Variants in SCAF4 observed in about 807,000 individuals in gnomAD.
SCAF4 encodes SR-related CTD associated factor 4.
A neutral mutation model predicts 129.8 loss-of-function variants in SCAF4; 25 were observed. The ratio of observed to expected loss-of-function variants is 0.19; its 90% CI spans 0.14 to 0.27. The LOEUF is 0.27. Ranked by LOEUF, SCAF4 falls within the 10% of genes least tolerant of loss-of-function variation. The pLI is 1.00. For synonymous variants in SCAF4, 551 were observed against 497.7 expected, an observed-to-expected ratio of 1.11 and a Z score of -1.43; for missense variants, 1,246 against 1,457.1, an observed-to-expected ratio of 0.86 and a Z score of 2.36.
chr21:31,720,125 C>T (rs1447426605), intron 1 of SCAF4, among the ~76,000 whole-genome samples: 1 of 152,210 alleles, frequency 6.6e-6, no homozygotes, highest in African/African-American at 2.4e-5. Flanking sequence ...AACTTCTGGT[C>T]TCCCTCCCCT....
chr21:31,731,799 G>A lies in SCAF4; in HGVS notation c.-107C>T. ...CCGGGCCTGGTGGCCGGGGGGAGGCGACGAGCGGCGGAGTCCGAGGCCCGG... is the reference window on the plus strand; with the variant it reads ...CCGGGCCTGGTGGCCGGGGGGAGGCAACGAGCGGCGGAGTCCGAGGCCCGG... On this transcript the variant is annotated 5_prime_UTR_variant, in exon 1 of 20. Transcript: ENST00000286835. 4 of 1,302,486 alleles carry A rather than the reference G, an allele frequency of 3.1e-6. No homozygotes were observed. The highest frequency in any genetic ancestry group is 4.0e-6 in the Non-Finnish European group (4 of 992,674). 80.7% of individuals were successfully genotyped at this position (1,302,486 alleles called of 1,614,324 possible).
chr21:31,704,598 G>A (rs1356038115), intron 3 of SCAF4, among the ~76,000 whole-genome samples: 2 of 151,792 alleles, frequency 1.3e-5, no homozygotes, highest in Non-Finnish European at 2.9e-5. Context: ...AACAACCGCA[G>A]AGGAGTATTT....
chr21:31,698,703 A>G (rs8131549), intron 7 of SCAF4, among the ~76,000 whole-genome samples: 6,330 of 152,222 alleles, frequency 0.042, 456 homozygotes, highest in African/African-American at 0.14. Context: ...GGCATTAAGA[A>G]TAAGAACTGA....
intron 18 of SCAF4, 36 bp downstream of exon 18, chr21:31,685,362 G>C (rs760437290): frequency 2.0e-4 from 311 of 1,571,688 alleles, no homozygotes; most frequent in Non-Finnish European, 2.6e-4. Context: ...CCAGCTCCAA[G>C]AGGATAAGCA....
intron 1 of SCAF4, among the ~76,000 whole-genome samples, chr21:31,728,510 A>G (rs1236714148): frequency 1.3e-5 from 2 of 152,212 alleles, no homozygotes; most frequent in South Asian, 2.1e-4. Context: ...AGAGATCCCA[A>G]TTCAAATCCT....
At position 31,671,847 on chromosome 21, in the gene SCAF4, C is replaced by T. The variant is rs2049708274; in HGVS notation, c.2996G>A (p.Arg999Lys). 3.1e-6 allele frequency: 5 copies of T among 1,614,208 alleles called. No individual in the cohort carries two copies. The highest frequency in any genetic ancestry group is 1.3e-5 in the African/African-American group (1 of 75,048). ...QQFNSGRDQERFGRRSFGNRV... is the reference protein window; with the variant it reads ...QQFNSGRDQEKFGRRSFGNRV... ...ATTTCCAAAAGATCTTCTTCCAAAC[C>T]TTTCTTGGTCTCTACCTGAATTGAA... is the stretch of plus-strand genomic sequence containing the variant. Residue 999 changes from arginine (R) to lysine (K), a missense_variant, in exon 20 of 20, where the codon AGG (arginine) becomes AAG (lysine). This residue lies in a region of SCAF4 where 339 missense variants were observed against 325.0 expected (regional missense o/e 1.04). Transcript: ENST00000286835.
intron 19 of SCAF4, among the ~76,000 whole-genome samples, chr21:31,673,613 A>G (rs544201520): frequency 1.3e-5 from 2 of 152,346 alleles, no homozygotes; most frequent in East Asian, 1.9e-4. Context: ...ACTGTATCTC[A>G]GATAGAAATA....
chr21:31,688,385 T>C lies in SCAF4; in HGVS notation c.1965A>G (p.Val655=), dbSNP rs779252677. Residue 655 remains valine (V), a synonymous_variant, in exon 16 of 20, where the codon GTA becomes GTG. Transcript: ENST00000286835. ...GGAETSHTEP[V]SPIPKPLPVP... ...CAGGTAATGGTTTAGGTATGGGTGA[T>C]ACTGGTTCTGTGTGTGAGGTTTCAG... is the stretch of plus-strand genomic sequence containing the variant. The C allele has an allele frequency of 1.9e-6, 3 of 1,613,852 alleles. No homozygotes were observed. Among genetic ancestry groups the C allele is most frequent in the East Asian group, 2.2e-5 (1 of 44,870 alleles).
Position 31,694,962 on chromosome 21 carries a change from C to T in SCAF4, c.1087G>A (p.Gly363Arg), listed in dbSNP as rs1471878905. 1 of 1,613,900 alleles carries T rather than the reference C, an allele frequency of 6.2e-7. No individual in the cohort carries two copies. Among genetic ancestry groups the T allele is most frequent in the Non-Finnish European group, 8.5e-7 (1 of 1,179,874 alleles). ...AGAAGTCCAAATCCTGGCATTTGTC[C>T]ATTAGGAGGAAGTGGAACCTTTCAT... Reference protein sequence around the residue: ...MHHQVPLPPNGQMPGFGLLPT... With the variant: ...MHHQVPLPPNRQMPGFGLLPT... Residue 363 changes from glycine to arginine, a missense_variant, in exon 10 of 20, where the codon GGA becomes AGA. By Grantham distance (125) the Gly-to-Arg change is moderately radical. Transcript: ENST00000286835.
chr21:31,727,453 G>A (rs1379383068), intron 1 of SCAF4, among the ~76,000 whole-genome samples: 1 of 152,142 alleles, frequency 6.6e-6, no homozygotes, highest in Non-Finnish European at 1.5e-5. Context: ...AATTCTTCAG[G>A]ATTTAGGCAA....
chr21:31,705,756 G>C (rs2050643478), intron 2 of SCAF4, among the ~76,000 whole-genome samples: 1 of 152,096 alleles, frequency 6.6e-6, no homozygotes, highest in Non-Finnish European at 1.5e-5. Flanking sequence ...AAAACCAATG[G>C]ATTAGAGCTA....
chr21:31,674,454 C>T (rs2049798309), intron 19 of SCAF4, among the ~76,000 whole-genome samples: 3 of 152,164 alleles, frequency 2.0e-5, no homozygotes, highest in Admixed American at 6.5e-5. Flanking sequence ...CCTTTTAACC[C>T]TTTGAGAGCC....
chr21:31,691,528 C>G (rs1334439114), intron 14 of SCAF4, among the ~76,000 whole-genome samples: 1 of 151,964 alleles, frequency 6.6e-6, no homozygotes, highest in African/African-American at 2.4e-5. Context: ...AAACATATTG[C>G]TAAAAGACAT....
At chr21:31,691,714 G>T in intron 14 of SCAF4, 103 bp downstream of exon 14, 7 of 386,490 alleles carry the variant, frequency 1.8e-5, no homozygotes, top group Non-Finnish European at 2.8e-5. Flanking sequence ...ATGCCTCAGT[G>T]TTGAAAGTCA....
At chr21:31,715,186 G>A (rs2050895335) in intron 1 of SCAF4, among the ~76,000 whole-genome samples, 1 of 152,142 alleles carries the variant, frequency 6.6e-6, no homozygotes, top group Non-Finnish European at 1.5e-5. Context: ...TCTACAGGGT[G>A]CCTACATTCT....
Position 31,672,192 on chromosome 21 carries a change from T to G in SCAF4, c.2651A>C (p.His884Pro). 3 of 1,606,088 alleles carry G rather than the reference T, an allele frequency of 1.9e-6. No homozygotes were observed. Among genetic ancestry groups the G allele is most frequent in the Non-Finnish European group, 8.5e-7 (1 of 1,175,300 alleles). The change falls in exon 20 of 20, where the codon CAC becomes CCC. Residue 884 changes from histidine to proline, a missense_variant. Coordinates refer to ENST00000286835, the MANE Select transcript of SCAF4 (RefSeq NM_020706.2). ...TGGCGGTGGGCCTCTGTGCATCATG[T>G]GCGGTGGCATGGGACGGGGCGGCAT... ...PLMPPRPMPPHMMHRGPPPGP... is the reference protein window; with the variant it reads ...PLMPPRPMPPPMMHRGPPPGP...
At chr21:31,706,515 G>A (rs973813723) in intron 1 of SCAF4, 158 bp from the exon 2 acceptor site, 44 of 603,438 alleles carry the variant, frequency 7.3e-5, no homozygotes, top group Admixed American at 1.2e-4. Flanking sequence ...AGCTTTGGTG[G>A]CCAGGCACCC....
intron 19 of SCAF4, among the ~76,000 whole-genome samples, chr21:31,675,457 A>G (rs563639447): frequency 6.6e-6 from 1 of 152,296 alleles, no homozygotes; most frequent in Admixed American, 6.5e-5. Flanking sequence ...CTAGAGATGG[A>G]GGACACACTG....
At chr21:31,706,940 A>C in intron 1 of SCAF4, 1 of 305,568 alleles carries the variant, frequency 3.3e-6, no homozygotes, top group Non-Finnish European at 6.2e-6. Context: ...TTTATCAACT[A>C]TTTTGTAAAT....
Sources: gnomAD v4.1 joint callset for allele counts (sites outside exome capture counted in the v4.1 genomes callset) on GRCh38, gnomAD v4.1.1 for gene constraint, gnomAD v4.1.1 regional missense constraint, MANE v1.5 for transcripts, NCBI Gene and HGNC (gene_info 2026-07-23, HGNC 2026-07-21) for gene names.